TRPM2: variants seen among roughly 807,000 people sequenced by gnomAD.
TRPM2 encodes the protein transient receptor potential cation channel subfamily M member 2.
Under a neutral mutation model 174.0 loss-of-function variants are expected in TRPM2, and 161 were observed. The observed-to-expected ratio is 0.93, with a 90% CI of 0.81 to 1.05. The LOEUF (loss-of-function observed/expected upper bound fraction) is 1.05, where lower values mean the gene tolerates loss of function less well. Ranked by LOEUF, TRPM2 falls within the 50% of genes least tolerant of loss-of-function variation. TRPM2 has a pLI of 0.00. For missense variants in TRPM2, 2,057 were observed against 2,038.0 expected (o/e 1.01, Z -0.18); for synonymous variants, 954 against 861.3 (o/e 1.11, Z -1.88).
At position 44,394,468 on chromosome 21, in the gene TRPM2, C is replaced by T. The variant is rs576873959; in HGVS notation, c.1795-946C>T. ...CCGAGTAGCTGGGACTACAGGTGTC[C>T]GCCACCACGCCTGGCTAATTTTTTG... is the stretch of plus-strand genomic sequence containing the variant. On this transcript the variant is annotated intron_variant, in intron 11 of 31. Transcript: ENST00000397928. 1.6e-3 allele frequency among the ~76,000 whole-genome samples: 250 copies of T among 151,858 alleles called. 2 individuals carry two copies. The highest frequency in any genetic ancestry group is 5.2e-3 in the African/African-American group (217 of 41,360).
intron 23 of TRPM2, among the ~76,000 whole-genome samples, chr21:44,424,051 C>T (rs143505597): frequency 1.1e-4 from 17 of 152,280 alleles, no homozygotes; most frequent in Non-Finnish European, 2.1e-4. Context: ...TGTGCCTGAG[C>T]CCTGGAGAGG....
At chr21:44,387,520 A>G (rs1453883265) in intron 9 of TRPM2, among the ~76,000 whole-genome samples, 1 of 152,248 alleles carries the variant, frequency 6.6e-6, no homozygotes, top group Non-Finnish European at 1.5e-5. Context: ...CCTAAGGCAC[A>G]GGAAACAAAA....
intron 9 of TRPM2, among the ~76,000 whole-genome samples, chr21:44,389,636 G>A (rs1435441820): frequency 2.6e-5 from 4 of 152,050 alleles, no homozygotes; most frequent in Admixed American, 2.6e-4. Flanking sequence ...ATTTTCCTGA[G>A]GACTACTGAT....
chr21:44,434,695 G>A lies in TRPM2; in HGVS notation c.3975-436G>A, dbSNP rs115873450. ...TGTGGCCTATCATCTGTGGCCACAC[G>A]GACGCAGGGCCTCTGGGTGTCTGGC... is the stretch of plus-strand genomic sequence containing the variant. On this transcript the variant is annotated intron_variant, in intron 27 of 31. Coordinates refer to ENST00000397928, the MANE Select transcript of TRPM2 (RefSeq NM_003307.4). Among the ~76,000 whole-genome samples, 1,121 of 152,192 alleles carry A rather than the reference G, an allele frequency of 7.4e-3. 20 individuals carry two copies. Among genetic ancestry groups the A allele is most frequent in the African/African-American group, 0.026 (1,060 of 41,522 alleles).
At chr21:44,423,962 C>A (rs954038586) in intron 23 of TRPM2, among the ~76,000 whole-genome samples, 4 of 152,206 alleles carry the variant, frequency 2.6e-5, no homozygotes, top group Non-Finnish European at 4.4e-5. Flanking sequence ...GAGGCCTCCA[C>A]GGCCGGGCTG....
rs747032807 is a variant in TRPM2 at position 44,382,734 on chromosome 21, G to T, written c.1232G>T (p.Arg411Leu). The T allele has an allele frequency of 1.2e-6, 2 of 1,614,064 alleles. No homozygotes were observed. Among genetic ancestry groups the T allele is most frequent in the Non-Finnish European group, 1.7e-6 (2 of 1,179,974 alleles). ...TTGTTGCAGATCCAAGATATCGTCC[G>T]GAGGCGGCAGCTGCTGACTGTCTTC... ...EWTKKIQDIVRRRQLLTVFRE... is the reference protein window; with the variant it reads ...EWTKKIQDIVLRRQLLTVFRE... The change falls in exon 9 of 32, where the codon CGG becomes CTG. Residue 411 changes from arginine (R) to leucine (L), a missense_variant. Physicochemically the swap from Arg to Leu is moderately radical, Grantham distance 102 (BLOSUM62 -2). Coordinates refer to ENST00000397928, the MANE Select transcript of TRPM2 (RefSeq NM_003307.4).
Position 44,425,369 on chromosome 21 carries a change from C to G in TRPM2, c.3638-301C>G, listed in dbSNP as rs887622101. On this transcript the variant is annotated intron_variant, in intron 24 of 31. Coordinates refer to ENST00000397928, the MANE Select transcript of TRPM2 (RefSeq NM_003307.4). Reference sequence around the variant, plus strand: ...CTCGGGCTGCTGAGTTTCGCCGGCCCTCAAGGAGCATATTTGCCCTCGTAA... The same window carrying G: ...CTCGGGCTGCTGAGTTTCGCCGGCCGTCAAGGAGCATATTTGCCCTCGTAA... 1.2e-5 allele frequency: 5 copies of G among 414,780 alleles called. No individual in the cohort carries two copies. In the Admixed American group the frequency reaches 2.0e-4, roughly 17 times the overall value. 25.7% of individuals were successfully genotyped at this position (414,780 alleles called of 1,614,324 possible).
Position 44,369,172 on chromosome 21 carries a change from C to A in TRPM2, c.605-5C>A, listed in dbSNP as rs758685133. On this transcript the variant is annotated splice_polypyrimidine_tract_variant and splice_region_variant and intron_variant, in intron 4 of 31. Transcript: ENST00000397928. The stretch of plus-strand genomic sequence containing the variant: ...GGGGCCTGCCCACCCGTGCTCCTTC[C>A]CCAGGGGCCTGGATCATCACAGGGG... The A allele has an allele frequency of 1.3e-6, 2 of 1,600,000 alleles. No homozygotes were observed. The highest frequency in any genetic ancestry group is 1.7e-6 in the Non-Finnish European group (2 of 1,172,404).
In TRPM2 at chr21:44,397,861, G is replaced by A. The variant is rs1304446694; in HGVS notation, c.2047G>A (p.Glu683Lys). 1.2e-6 allele frequency: 2 copies of A among 1,604,960 alleles called. No homozygotes were observed. Among genetic ancestry groups the A allele is most frequent in the East Asian group, 2.2e-5 (1 of 44,626 alleles). The change falls in exon 13 of 32, where the codon GAG becomes AAG. Residue 683 changes from glutamate to lysine, a missense_variant. Transcript: ENST00000397928. ...EEMLALAEEY[E>K]HRAIGVFTEC... is the part of the protein sequence containing the mutation. Reference sequence around the variant, plus strand: ...GATGCTGGCGCTGGCGGAGGAGTATGAGCACAGAGCCATCGGTGAGCTCTG... The same window carrying A: ...GATGCTGGCGCTGGCGGAGGAGTATAAGCACAGAGCCATCGGTGAGCTCTG...
At chr21:44,413,227 CTTT>C (rs958225632) in intron 19 of TRPM2, among the ~76,000 whole-genome samples, 6 of 116,264 alleles carry the variant, frequency 5.2e-5, no homozygotes, top group Non-Finnish European at 9.0e-5. Context: ...CTTTTCAATT[CTTT>C]TTTTTTTTTT....
At position 44,369,252 on chromosome 21, in the gene TRPM2, T is replaced by C; in HGVS notation, c.680T>C (p.Leu227Pro). 2 of 1,613,740 alleles carry C rather than the reference T, an allele frequency of 1.2e-6. No homozygotes were observed. The highest frequency in any genetic ancestry group is 1.7e-6 in the Non-Finnish European group (2 of 1,179,920). The change falls in exon 5 of 32, where the codon CTG becomes CCG. Residue 227 changes from leucine (L) to proline (P), a missense_variant. Leu to Pro is a moderately conservative substitution (Grantham distance 98). Coordinates refer to ENST00000397928, the MANE Select transcript of TRPM2 (RefSeq NM_003307.4). The part of the protein sequence containing the change: ...QVGEAVRDFS[L>P]SSSYKEGELI... ...GGCGAGGCGGTGCGGGACTTCAGCC[T>C]GAGCAGCAGCTACAAGGAAGGCGAG...
chr21:44,440,464 G>T (rs2051458360), intron 30 of TRPM2, among the ~76,000 whole-genome samples: 1 of 152,084 alleles, frequency 6.6e-6, no homozygotes, highest in Non-Finnish European at 1.5e-5. Flanking sequence ...CATCTCCTTG[G>T]ATTTGCCGGT....
intron 22 of TRPM2, among the ~76,000 whole-genome samples, chr21:44,419,254 A>G (rs1239911705): frequency 1.3e-5 from 2 of 152,244 alleles, no homozygotes; most frequent in East Asian, 3.9e-4. Context: ...TGCAGCCACA[A>G]ACAGGAGCAT....
At chr21:44,419,194 G>A (rs906879171) in intron 22 of TRPM2, among the ~76,000 whole-genome samples, 5 of 152,174 alleles carry the variant, frequency 3.3e-5, no homozygotes, top group African/African-American at 1.2e-4. Flanking sequence ...ATGAGAGGAG[G>A]AGGGGGAAAT....
Position 44,437,108 on chromosome 21 carries a change from A to G in TRPM2, c.4108A>G (p.Lys1370Glu), listed in dbSNP as rs2051300639. ...DGAICRKSIK[K>E]MLEVLVVKLP... ...AGCCATCTGCAGGAAGAGCATAAAG[A>G]AGATGCTGGAAGTGCTGGTGGTGAA... Residue 1370 changes from lysine (K) to glutamate (E), a missense_variant, in exon 29 of 32, where the codon AAG (lysine) becomes GAG (glutamate). Coordinates refer to ENST00000397928, the MANE Select transcript of TRPM2 (RefSeq NM_003307.4). 6.4e-7 allele frequency: 1 copy of G among 1,551,286 alleles called. No individual in the cohort carries two copies. Among genetic ancestry groups the G allele is most frequent in the Non-Finnish European group, 8.7e-7 (1 of 1,146,858 alleles).
intron 22 of TRPM2, among the ~76,000 whole-genome samples, chr21:44,419,035 G>A (rs1164186122): frequency 2.6e-5 from 4 of 152,202 alleles, no homozygotes; most frequent in African/African-American, 7.2e-5. Context: ...TCCAAGGTGC[G>A]AGGTCAGTGT....
chr21:44,393,681 T>C (rs950786644), intron 11 of TRPM2, among the ~76,000 whole-genome samples: 1 of 152,052 alleles, frequency 6.6e-6, no homozygotes, highest in Non-Finnish European at 1.5e-5. Flanking sequence ...TTTTAATTGG[T>C]AATAGTTCTA....
chr21:44,374,760 A>G (rs1167238340), intron 5 of TRPM2, among the ~76,000 whole-genome samples: 1 of 152,112 alleles, frequency 6.6e-6, no homozygotes, highest in Non-Finnish European at 1.5e-5. Context: ...AATAGGGATG[A>G]AGCTTCGCTC....
intron 20 of TRPM2, 39 bp from the exon 21 acceptor site, chr21:44,417,888 C>T (rs752468648): frequency 1.3e-6 from 2 of 1,589,906 alleles, no homozygotes; most frequent in East Asian, 2.2e-5. Context: ...TCTGGGTAAA[C>T]ACCCTGACCT....
Sources: gnomAD v4.1 joint callset for allele counts (sites outside exome capture counted in the v4.1 genomes callset) on GRCh38, gnomAD v4.1.1 for gene constraint, MANE v1.5 for transcripts, NCBI Gene and HGNC (gene_info 2026-07-23, HGNC 2026-07-21) for gene names.